Variants in LRRTM3 observed in about 807,000 individuals in gnomAD.
The protein encoded by LRRTM3 is leucine rich repeat transmembrane neuronal 3, also known as leucine-rich repeat transmembrane neuronal protein 3.
LRRTM3 carries 24 observed loss-of-function variants against 44.7 expected under a neutral mutation model. The observed-to-expected ratio is 0.54, with a 90% confidence interval of 0.39 to 0.76. The LOEUF is 0.76. LRRTM3 is among the 30% of genes least tolerant of loss of function. The pLI, the probability that LRRTM3 is intolerant of heterozygous loss-of-function variation, is 0.00. For missense variants in LRRTM3, 587 were observed against 702.2 expected, an observed-to-expected ratio of 0.84 and a Z score of 1.85; for synonymous variants, 277 against 278.7, an observed-to-expected ratio of 0.99 and a Z score of 0.06.
At chr10:67,033,781 GT>G (rs1002548895) in intron 2 of LRRTM3, among the ~76,000 whole-genome samples, 1 of 151,558 alleles carries the variant, frequency 6.6e-6, no homozygotes, top group Non-Finnish European at 1.5e-5. Flanking sequence ...GTTTCTTTTT[GT>G]TTTTTTTGGA....
chr10:67,000,784 G>T (rs1050252701), intron 2 of LRRTM3, among the ~76,000 whole-genome samples: 9 of 152,052 alleles, frequency 5.9e-5, no homozygotes, highest in African/African-American at 2.2e-4. Flanking sequence ...TATGGGGAGC[G>T]CATTATGAAG....
At chr10:66,950,926 T>C (rs930843122) in intron 2 of LRRTM3, among the ~76,000 whole-genome samples, 4 of 152,184 alleles carry the variant, frequency 2.6e-5, no homozygotes, top group Admixed American at 2.6e-4. Context: ...AATTCTGATC[T>C]GTCGGATTCA....
intron 2 of LRRTM3, among the ~76,000 whole-genome samples, chr10:66,933,781 T>G (rs940640023): frequency 6.6e-6 from 1 of 152,298 alleles, no homozygotes; most frequent in East Asian, 1.9e-4. Flanking sequence ...CAAAATTACA[T>G]CATTAATTCA....
intron 2 of LRRTM3, among the ~76,000 whole-genome samples, chr10:66,975,775 C>T (rs1181563308): frequency 1.3e-5 from 2 of 152,166 alleles, no homozygotes; most frequent in African/African-American, 4.8e-5. Flanking sequence ...CTCTATTTAG[C>T]ACTCCTTTCT....
chr10:66,948,586 T>C (rs1412116912), intron 2 of LRRTM3, among the ~76,000 whole-genome samples: 1 of 152,214 alleles, frequency 6.6e-6, no homozygotes, highest in Non-Finnish European at 1.5e-5. Flanking sequence ...TTTATGGAGC[T>C]TAACCATAAG....
intron 2 of LRRTM3, among the ~76,000 whole-genome samples, chr10:66,932,881 C>A (rs974091097): frequency 6.6e-6 from 1 of 152,058 alleles, no homozygotes; most frequent in African/African-American, 2.4e-5. Flanking sequence ...AATATCACAG[C>A]CAGGCATGGT....
Position 66,926,432 on chromosome 10 carries a change from C to A in LRRTM3, c.-152C>A. 2.6e-6 allele frequency: 2 copies of A among 760,676 alleles called. No homozygotes were observed. The highest frequency in any genetic ancestry group is 1.6e-5 in the South Asian group (1 of 61,782). 47.1% of individuals were successfully genotyped at this position (760,676 alleles called of 1,614,324 possible). ...TGCGTGGCTGGCAAAGAATAATGTT[C>A]CAAAATCGGTCCATCTCCCAAGGGG... On this transcript the variant is annotated 5_prime_UTR_variant, in exon 1 of 3. Coordinates refer to ENST00000361320, the MANE Select transcript of LRRTM3 (RefSeq NM_178011.5).
chr10:66,969,881 C>T (rs1379673649), intron 2 of LRRTM3, among the ~76,000 whole-genome samples: 1 of 152,068 alleles, frequency 6.6e-6, no homozygotes, highest in African/African-American at 2.4e-5. Flanking sequence ...ATCTGTAACT[C>T]CTATCAGAAA....
intron 2 of LRRTM3, among the ~76,000 whole-genome samples, chr10:66,948,435 C>T (rs1013249399): frequency 3.3e-5 from 5 of 152,254 alleles, no homozygotes; most frequent in Middle Eastern, 3.4e-3. Context: ...CATGGAGATG[C>T]GTTTTTAAGA....
chr10:67,072,810 G>A (rs1244192399), intron 2 of LRRTM3, among the ~76,000 whole-genome samples: 1 of 152,074 alleles, frequency 6.6e-6, no homozygotes, highest in Admixed American at 6.6e-5. Context: ...TGGTATGTTT[G>A]AGTTTGGTGT....
At chr10:66,994,760 G>A (rs1240081002) in intron 2 of LRRTM3, among the ~76,000 whole-genome samples, 3 of 152,162 alleles carry the variant, frequency 2.0e-5, no homozygotes, top group African/African-American at 7.2e-5. Flanking sequence ...ATAGAATACA[G>A]CTGCAGGGCT....
At chr10:67,072,447 TA>T (rs1306235651) in intron 2 of LRRTM3, among the ~76,000 whole-genome samples, 8 of 152,208 alleles carry the variant, frequency 5.3e-5, no homozygotes, top group Non-Finnish European at 1.0e-4. Flanking sequence ...CGTACTCTTT[TA>T]TTGTATGATA....
intron 2 of LRRTM3, among the ~76,000 whole-genome samples, chr10:67,089,643 T>C (rs987609455): frequency 6.6e-6 from 1 of 151,826 alleles, no homozygotes; most frequent in African/African-American, 2.4e-5. Flanking sequence ...GGCTACCTCA[T>C]TTGGCACACA....
At chr10:67,096,509 CT>C (rs1473272523) in intron 2 of LRRTM3, among the ~76,000 whole-genome samples, 11 of 151,872 alleles carry the variant, frequency 7.2e-5, no homozygotes, top group Admixed American at 2.0e-4. Context: ...ATGGCAGAAG[CT>C]TTTATCCTCC....
chr10:67,048,326 G>A (rs994065657), intron 2 of LRRTM3, among the ~76,000 whole-genome samples: 3 of 151,950 alleles, frequency 2.0e-5, no homozygotes, highest in Non-Finnish European at 4.4e-5. Flanking sequence ...GATTTTGCAT[G>A]GCTTTATTAA....
intron 2 of LRRTM3, among the ~76,000 whole-genome samples, chr10:66,958,815 AAGG>A (rs1848970305): frequency 6.6e-6 from 1 of 152,122 alleles, no homozygotes; most frequent in African/African-American, 2.4e-5. Context: ...CTCAAAGAAG[AAGG>A]AAAGGAATTA....
chr10:67,058,520 C>T (rs1236390583), intron 2 of LRRTM3, among the ~76,000 whole-genome samples: 2 of 152,082 alleles, frequency 1.3e-5, no homozygotes, highest in African/African-American at 2.4e-5. Context: ...GCCCTTTCTC[C>T]ACTATATTCA....
intron 2 of LRRTM3, among the ~76,000 whole-genome samples, chr10:67,071,207 C>T (rs1333001469): frequency 6.6e-6 from 1 of 152,118 alleles, no homozygotes; most frequent in Non-Finnish European, 1.5e-5. Context: ...TTCAATCACT[C>T]AGATATTTCC....
intron 2 of LRRTM3, among the ~76,000 whole-genome samples, chr10:67,088,578 C>T (rs1247990710): frequency 2.0e-5 from 3 of 151,934 alleles, no homozygotes; most frequent in Admixed American, 2.0e-4. Context: ...ACCCATAAAG[C>T]TACCAAAATT....
Sources: allele counts gnomAD v4.1 joint callset (sites outside exome capture counted in the v4.1 genomes callset), GRCh38; gene constraint gnomAD v4.1.1; transcripts MANE v1.5; gene names NCBI Gene and HGNC (gene_info 2026-07-23, HGNC 2026-07-21).